Variants in LPP observed in about 807,000 individuals in gnomAD.
LPP encodes LIM domain containing preferred translocation partner in lipoma.
A neutral mutation model predicts 60.4 loss-of-function variants in LPP; 38 were observed. That is an observed-to-expected ratio of 0.63 (90% CI 0.49 to 0.83). LPP has a LOEUF of 0.83. Ranked by LOEUF, LPP falls within the 40% of genes least tolerant of loss-of-function variation. The pLI is 0.00. For synonymous variants in LPP, 328 were observed against 290.8 expected, an observed-to-expected ratio of 1.13 and a Z score of -1.30; for missense variants, 902 against 783.6, an observed-to-expected ratio of 1.15 and a Z score of -1.80.
intron 6 of LPP, among the ~76,000 whole-genome samples, chr3:188,606,295 G>C (rs1299339541): frequency 1.3e-5 from 2 of 152,162 alleles, no homozygotes; most frequent in African/African-American, 2.4e-5. Context: ...AGAAGACCTA[G>C]TTGGTGTGTG....
intron 2 of LPP, among the ~76,000 whole-genome samples, chr3:188,272,931 G>C (rs1427619570): frequency 6.6e-6 from 1 of 152,106 alleles, no homozygotes; most frequent in African/African-American, 2.4e-5. Context: ...CCTGCTAATG[G>C]GTCCACGAGG....
intron 2 of LPP, among the ~76,000 whole-genome samples, chr3:188,248,514 G>C (rs1261740539): frequency 5.1e-5 from 5 of 98,244 alleles, no homozygotes. Flanking sequence ...AGCAGAGCTT[G>C]TTTTGGAATC....
At chr3:188,762,489 C>T (rs938646852) in intron 9 of LPP, among the ~76,000 whole-genome samples, 3 of 152,160 alleles carry the variant, frequency 2.0e-5, no homozygotes, top group African/African-American at 7.2e-5. Context: ...TTCAGACATA[C>T]TCCTCGCATT....
rs146972056 is a variant in LPP at position 188,321,655 on chromosome 3, A to G, written c.-66-20008A>G. Among the ~76,000 whole-genome samples the G allele has an allele frequency of 3.4e-3, 518 of 150,482 alleles. 7 individuals are homozygous for G. The highest frequency in any genetic ancestry group is 0.014 in the Middle Eastern group (4 of 292). ...AATTGAGAACATAACTTGCTGACTT[A>G]AAAAAAAAATCACAACATTTTGTGC... is the stretch of plus-strand genomic sequence containing the variant. On this transcript the variant is annotated intron_variant, in intron 2 of 11. Transcript: ENST00000617246.
rs367712081 is a variant in LPP at position 188,674,669 on chromosome 3, T to C, written c.1114-33598T>C. Among the ~76,000 whole-genome samples, 9 of 152,324 alleles carry C rather than the reference T, an allele frequency of 5.9e-5. 1 individual carries two copies. The highest frequency in any genetic ancestry group is 2.0e-4 in the Admixed American group (3 of 15,304). ...CTTCTTTACATTTTCTCATTTAATCTTCATAATAACCCTGCTAGATAAGGT... is the reference window on the plus strand; with the variant it reads ...CTTCTTTACATTTTCTCATTTAATCCTCATAATAACCCTGCTAGATAAGGT... On this transcript the variant is annotated intron_variant, in intron 7 of 11. Transcript: ENST00000617246.
intron 3 of LPP, among the ~76,000 whole-genome samples, chr3:188,399,849 C>T (rs932402930): frequency 7.2e-5 from 11 of 151,924 alleles, no homozygotes; most frequent in East Asian, 3.9e-4. Flanking sequence ...TTGATTTGGA[C>T]GAAAAAAAGG....
At position 188,395,163 on chromosome 3, in the gene LPP, G is replaced by A. The variant is rs188498969; in HGVS notation, c.-9-10949G>A. Among the ~76,000 whole-genome samples, 393 of 152,078 alleles carry A rather than the reference G, an allele frequency of 2.6e-3. 1 individual carries two copies. Among genetic ancestry groups the A allele is most frequent in the Admixed American group, 5.4e-3 (82 of 15,268 alleles). On this transcript the variant is annotated intron_variant, in intron 3 of 11. Transcript: ENST00000617246. The stretch of plus-strand genomic sequence containing the variant: ...CCACTTTATTTTTCTATTATTTGTG[G>A]ATTAAAAATTTTAAATTTAGCAATA...
Position 188,862,712 on chromosome 3 carries a change from C to CAAAAAAAAAAAAAAAAAAAAAAAAA in LPP, c.1411-3481_1411-3480insAAAAAAAAAAAAAAAAAAAAAAAAA, listed in dbSNP as rs140751676. ...TATCAATGCTGGCAACCCTACTAGACAAAAAAATAAATAAATAAATAAATA... is the reference window on the plus strand; with the variant it reads ...TATCAATGCTGGCAACCCTACTAGACAAAAAAAAAAAAAAAAAAAAAAAAAAAAAAAATAAATAAATAAATAAATA... On this transcript the variant is annotated intron_variant, in intron 9 of 11. Coordinates refer to ENST00000617246, the MANE Select transcript of LPP (RefSeq NM_001375462.1). 5.6e-4 allele frequency among the ~76,000 whole-genome samples: 31 copies of CAAAAAAAAAAAAAAAAAAAAAAAAA among 55,670 alleles called. 1 individual carries two copies. The highest frequency in any genetic ancestry group is 2.9e-3 in the East Asian group (2 of 698). 36.5% of individuals were successfully genotyped at this position (55,670 alleles called of 152,430 possible).
intron 1 of LPP, among the ~76,000 whole-genome samples, chr3:188,187,256 A>C (rs1726866331): frequency 6.6e-6 from 1 of 152,150 alleles, no homozygotes; most frequent in Non-Finnish European, 1.5e-5. Context: ...TTCTAGGTAA[A>C]TATTGCTTAA....
At chr3:188,671,365 A>C (rs1262621165) in intron 7 of LPP, among the ~76,000 whole-genome samples, 2 of 152,194 alleles carry the variant, frequency 1.3e-5, no homozygotes, top group Non-Finnish European at 2.9e-5. Flanking sequence ...AAAGGCTATA[A>C]AAATTTAACA....
intron 2 of LPP, among the ~76,000 whole-genome samples, chr3:188,309,022 C>CTTTTTTTTTTTTTTTTT (rs777945680): frequency 1.7e-5 from 2 of 119,718 alleles, no homozygotes; most frequent in Admixed American, 9.9e-5. Flanking sequence ...TCTTCTTCTT[C>CTTTTTTTTTTTTTTTTT]TTTTTTTTTT....
chr3:188,161,897 A>G (rs574891573), intron 1 of LPP, among the ~76,000 whole-genome samples: 2 of 152,336 alleles, frequency 1.3e-5, no homozygotes, highest in East Asian at 3.9e-4. Context: ...TGTAACTGCC[A>G]TGGATGGCTG....
chr3:188,556,598 CT>C (rs1829524718), intron 6 of LPP, among the ~76,000 whole-genome samples: 1 of 151,478 alleles, frequency 6.6e-6, no homozygotes, highest in Non-Finnish European at 1.5e-5. Flanking sequence ...TATTTTCTGC[CT>C]TTTTGTTTTT....
At position 188,716,006 on chromosome 3, in the gene LPP, A is replaced by C. The variant is rs184661182; in HGVS notation, c.1240+7613A>C. On this transcript the variant is annotated intron_variant, in intron 8 of 11. Transcript: ENST00000617246. Reference sequence around the variant, plus strand: ...GATATTGTCTTATTCCTTCTTTAAAAAAAAGCAGAAGTATGTGAGCCTTAA... The same window carrying C: ...GATATTGTCTTATTCCTTCTTTAAACAAAAGCAGAAGTATGTGAGCCTTAA... 5.9e-5 allele frequency among the ~76,000 whole-genome samples: 9 copies of C among 152,370 alleles called. No homozygotes were observed. The East Asian group carries it at 1.5e-3, about 26-fold the overall frequency.
intron 3 of LPP, among the ~76,000 whole-genome samples, chr3:188,362,466 C>T (rs1333695182): frequency 6.6e-6 from 1 of 152,206 alleles, no homozygotes; most frequent in Non-Finnish European, 1.5e-5. Context: ...GCCTTACTCT[C>T]ACTGCCATAC....
intron 9 of LPP, among the ~76,000 whole-genome samples, chr3:188,808,275 G>T (rs1370734476): frequency 6.6e-6 from 1 of 151,926 alleles, no homozygotes; most frequent in African/African-American, 2.4e-5. Flanking sequence ...TGCACTGTTG[G>T]TGGGAATGTA....
rs577352951 is a variant in LPP, at chr3:188,283,933, C to T, written c.-66-57730C>T. Among the ~76,000 whole-genome samples the T allele has an allele frequency of 3.3e-5, 5 of 151,876 alleles. No individual in the cohort carries two copies. In the South Asian group the frequency reaches 6.2e-4, roughly 19 times the overall value. On this transcript the variant is annotated intron_variant, in intron 2 of 11. Transcript: ENST00000617246. Reference sequence around the variant, plus strand: ...TGGAGGTTGCAGTGAGCCGAGATTGCGCCACGGCACTCCAGCCTGGGTGAC... The same window carrying T: ...TGGAGGTTGCAGTGAGCCGAGATTGTGCCACGGCACTCCAGCCTGGGTGAC...
intron 9 of LPP, among the ~76,000 whole-genome samples, chr3:188,788,519 A>C (rs1447863701): frequency 2.0e-5 from 3 of 152,138 alleles, no homozygotes; most frequent in Non-Finnish European, 4.4e-5. Context: ...TCCTCATCAT[A>C]GCATTTAGAA....
intron 2 of LPP, among the ~76,000 whole-genome samples, chr3:188,252,036 A>G (rs1374307157): frequency 8.0e-5 from 2 of 24,876 alleles, no homozygotes; most frequent in African/African-American, 3.9e-4. Flanking sequence ...ATCCTGATAT[A>G]TATATATATA....
Sources: gnomAD v4.1 joint callset for allele counts (sites outside exome capture counted in the v4.1 genomes callset) on GRCh38, gnomAD v4.1.1 for gene constraint, MANE v1.5 for transcripts, NCBI Gene and HGNC (gene_info 2026-07-23, HGNC 2026-07-21) for gene names.